The following PRKDC variants were observed in gnomAD, a reference collection of about 807,000 sequenced individuals.
PRKDC encodes the protein DNA-dependent protein kinase catalytic subunit.
A neutral mutation model predicts 486.9 loss-of-function variants in PRKDC; 82 were observed. That is an observed-to-expected ratio of 0.17 (90% CI 0.14 to 0.20). PRKDC has a LOEUF of 0.20. Among genes scored for constraint, PRKDC ranks in the 10% least tolerant of loss-of-function variants. The pLI, the probability that PRKDC is intolerant of heterozygous loss-of-function variation, is 1.00. For synonymous variants in PRKDC, 1,895 were observed against 1,837.0 expected, an observed-to-expected ratio of 1.03 and a Z score of -0.81; for missense variants, 4,504 against 5,038.2, an observed-to-expected ratio of 0.89 and a Z score of 3.21.
intron 54 of PRKDC, among the ~76,000 whole-genome samples, chr8:47,844,386 G>A (rs1323571470): frequency 6.6e-6 from 1 of 152,150 alleles, no homozygotes; most frequent in Admixed American, 6.5e-5. Context: ...GGAGCACCCA[G>A]ATTCATAAAA....
At chr8:47,906,217 C>G (rs545530386) in intron 25 of PRKDC, among the ~76,000 whole-genome samples, 6 of 152,080 alleles carry the variant, frequency 3.9e-5, no homozygotes, top group South Asian at 2.1e-4. Flanking sequence ...CACGGTGGTG[C>G]GTGCCTGTAG....
At chr8:47,777,927 T>A in intron 83 of PRKDC, 53 bp from the exon 84 acceptor site, 1 of 1,528,568 alleles carries the variant, frequency 6.5e-7, no homozygotes. Context: ...ACTCTCAAAG[T>A]ACCGAGCACA....
At position 47,777,161 on chromosome 8, in the gene PRKDC, G is replaced by A. The variant is rs8178256; in HGVS notation, c.12043-178C>T. Among the ~76,000 whole-genome samples, 617 of 152,144 alleles carry A rather than the reference G, an allele frequency of 4.1e-3. 4 individuals carry two copies. The highest frequency in any genetic ancestry group is 0.025 in the South Asian group (121 of 4,812). On this transcript the variant is annotated intron_variant, in intron 84 of 85. Coordinates refer to ENST00000314191, the MANE Select transcript of PRKDC (RefSeq NM_006904.7). ...CTCCATGGCACACACATCACGAGAC[G>A]AGGGGCCTCAGCAGTCCCCTTATTT...
At chr8:47,845,060 C>A (rs2088236244) in intron 54 of PRKDC, among the ~76,000 whole-genome samples, 2 of 151,916 alleles carry the variant, frequency 1.3e-5, no homozygotes, top group Admixed American at 6.6e-5. Flanking sequence ...ACTTAAAATA[C>A]AAAAAAATTA....
intron 67 of PRKDC, among the ~76,000 whole-genome samples, chr8:47,818,651 T>G (rs1466046518): frequency 6.8e-6 from 1 of 147,528 alleles, no homozygotes. Context: ...GAAAGTAGAA[T>G]GCACTTAATA....
intron 4 of PRKDC, among the ~76,000 whole-genome samples, chr8:47,955,245 G>C (rs549617523): frequency 6.6e-6 from 1 of 151,292 alleles, no homozygotes; most frequent in African/African-American, 2.4e-5. Flanking sequence ...GGCGGATCAC[G>C]AGGTCAGGAG....
At chr8:47,848,858 T>C (rs556056952) in intron 54 of PRKDC, among the ~76,000 whole-genome samples, 26 of 152,314 alleles carry the variant, frequency 1.7e-4, no homozygotes, top group African/African-American at 5.8e-4. Context: ...CTCAAAAGCA[T>C]ACATTTTAAA....
chr8:47,800,644 A>G, intron 71 of PRKDC, 149 bp downstream of exon 71: 1 of 543,148 alleles, frequency 1.8e-6, no homozygotes. Context: ...AAACAAATAC[A>G]TAAATAAAAA....
rs2087577463 is a variant in PRKDC, at chr8:47,820,867, G to T, written c.9188C>A (p.Thr3063Lys). The change falls in exon 66 of 86, where the codon ACA becomes AAA. Residue 3063 changes from threonine to lysine, a missense_variant. Transcript: ENST00000314191. ...LQGEADQSLL[T>K]FIDKAMHGEL... ...CCCGTGCATAGCTTTGTCAATAAAT[G>T]TCAGCAGGGACTGGTCAGCCTCTCC... The T allele has an allele frequency of 1.2e-6, 2 of 1,611,526 alleles. No homozygotes were observed. Among genetic ancestry groups the T allele is most frequent in the Non-Finnish European group, 8.5e-7 (1 of 1,178,268 alleles).
At chr8:47,899,658 T>C (rs540851945) in intron 28 of PRKDC, among the ~76,000 whole-genome samples, 1 of 151,806 alleles carries the variant, frequency 6.6e-6, no homozygotes, top group African/African-American at 2.4e-5. Context: ...AATAAACAAA[T>C]AAAATAAAAT....
chr8:47,856,859 A>G (rs2088553162), intron 49 of PRKDC, among the ~76,000 whole-genome samples: 1 of 152,258 alleles, frequency 6.6e-6, no homozygotes, highest in Admixed American at 6.5e-5. Flanking sequence ...GTTTACACAT[A>G]GTTTTAATAA....
intron 40 of PRKDC, among the ~76,000 whole-genome samples, chr8:47,868,752 T>C (rs1220381603): frequency 6.6e-6 from 1 of 152,198 alleles, no homozygotes; most frequent in Non-Finnish European, 1.5e-5. Flanking sequence ...TAACTTCGTA[T>C]TAAGGAAAGA....
chr8:47,798,599 T>C (rs1371117372), intron 72 of PRKDC, among the ~76,000 whole-genome samples: 2 of 152,104 alleles, frequency 1.3e-5, no homozygotes, highest in Non-Finnish European at 2.9e-5. Flanking sequence ...AGAGTGCCCA[T>C]TCTGCATGAA....
intron 40 of PRKDC, among the ~76,000 whole-genome samples, chr8:47,865,222 C>T (rs2088780460): frequency 6.6e-6 from 1 of 151,856 alleles, no homozygotes; most frequent in African/African-American, 2.4e-5. Flanking sequence ...CCTGTCTCTA[C>T]TAAGAATACA....
chr8:47,917,859 ATTTT>A (rs921255163), intron 22 of PRKDC, among the ~76,000 whole-genome samples: 4 of 152,012 alleles, frequency 2.6e-5, no homozygotes, highest in South Asian at 2.1e-4. Context: ...AAATATATTA[ATTTT>A]TTTTGTCAGG....
chr8:47,896,497 A>G (rs2089584697), intron 30 of PRKDC, among the ~76,000 whole-genome samples: 1 of 152,146 alleles, frequency 6.6e-6, no homozygotes, highest in Non-Finnish European at 1.5e-5. Context: ...AATACAAAAA[A>G]TTAGCCGGAC....
intron 25 of PRKDC, among the ~76,000 whole-genome samples, chr8:47,908,713 G>A (rs1202003469): frequency 6.6e-6 from 1 of 152,102 alleles, no homozygotes. Flanking sequence ...AGGTGAAAGG[G>A]GTGACGTGAA....
chr8:47,867,845 A>G (rs574727227), intron 40 of PRKDC, among the ~76,000 whole-genome samples: 1 of 152,248 alleles, frequency 6.6e-6, no homozygotes, highest in South Asian at 2.1e-4. Context: ...TCACTATTAC[A>G]TATTTTGTTG....
intron 63 of PRKDC, among the ~76,000 whole-genome samples, chr8:47,824,932 T>C (rs941831570): frequency 1.3e-5 from 2 of 152,210 alleles, no homozygotes; most frequent in Non-Finnish European, 2.9e-5. Context: ...CTAAGCCTCT[T>C]GCATTTACAT....
Sources: allele counts gnomAD v4.1 joint callset (sites outside exome capture counted in the v4.1 genomes callset), GRCh38; gene constraint gnomAD v4.1.1; transcripts MANE v1.5; gene names NCBI Gene and HGNC (gene_info 2026-07-23, HGNC 2026-07-21).